AKAP6: variants seen among roughly 807,000 people sequenced by gnomAD.
AKAP6 encodes A-kinase anchor protein 6.
A neutral mutation model predicts 188.5 loss-of-function variants in AKAP6; 58 were observed. The ratio of observed to expected loss-of-function variants is 0.31; its 90% confidence interval spans 0.25 to 0.38. The LOEUF (loss-of-function observed/expected upper bound fraction) is 0.38. Among genes scored for constraint, AKAP6 ranks in the 10% least tolerant of loss-of-function variants. AKAP6 has a pLI of 1.00. For missense variants in AKAP6, 2,710 were observed against 2,740.0 expected, an observed-to-expected ratio of 0.99 and a Z score of 0.24; for synonymous variants, 989 against 998.6, an observed-to-expected ratio of 0.99 and a Z score of 0.18.
At chr14:32,626,040 C>T (rs1887009196) in intron 7 of AKAP6, among the ~76,000 whole-genome samples, 1 of 152,130 alleles carries the variant, frequency 6.6e-6, no homozygotes, top group Non-Finnish European at 1.5e-5. Flanking sequence ...CGTGGAAGCA[C>T]TAACATTTGG....
intron 1 of AKAP6, 46 bp from the exon 2 acceptor site, chr14:32,433,414 G>T: frequency 8.0e-7 from 1 of 1,250,420 alleles, no homozygotes; most frequent in African/African-American, 1.5e-5. Context: ...TCTTTATTTG[G>T]CAATCTTGAC....
At chr14:32,366,265 T>C (rs1421304533) in intron 1 of AKAP6, among the ~76,000 whole-genome samples, 1 of 152,210 alleles carries the variant, frequency 6.6e-6, no homozygotes, top group Non-Finnish European at 1.5e-5. Flanking sequence ...ATAGCCAGAC[T>C]CTATTATTTT....
chr14:32,703,299 A>T (rs561579946), intron 9 of AKAP6, among the ~76,000 whole-genome samples: 35 of 152,176 alleles, frequency 2.3e-4, no homozygotes, highest in African/African-American at 8.2e-4. Flanking sequence ...TAAAACTTCA[A>T]CATTTGGGAC....
chr14:32,709,690 A>G (rs1303847722), intron 9 of AKAP6, among the ~76,000 whole-genome samples: 1 of 152,062 alleles, frequency 6.6e-6, no homozygotes, highest in Non-Finnish European at 1.5e-5. Flanking sequence ...ACAGCCTTCC[A>G]TTAAAATGTT....
At chr14:32,747,573 A>G (rs945551563) in intron 11 of AKAP6, among the ~76,000 whole-genome samples, 10 of 152,198 alleles carry the variant, frequency 6.6e-5, no homozygotes, top group African/African-American at 2.4e-4. Flanking sequence ...CCCACCACAT[A>G]TTAAAAACCC....
chr14:32,464,620 CA>C (rs1878293459), intron 2 of AKAP6, among the ~76,000 whole-genome samples: 1 of 152,136 alleles, frequency 6.6e-6, no homozygotes. Context: ...CTATTTATGA[CA>C]AACCCGTAAC....
At position 32,821,274 on chromosome 14, in the gene AKAP6, G is replaced by C; in HGVS notation, c.3589-128G>C. ...CAGAGAGGAATAGAGTTGATAATTA[G>C]GCCGTCTTTCAAGTCCATGCTTGGG... On this transcript the variant is annotated intron_variant, in intron 12 of 13. Coordinates refer to ENST00000280979, the MANE Select transcript of AKAP6 (RefSeq NM_004274.5). 3 of 930,450 alleles carry C rather than the reference G, an allele frequency of 3.2e-6. No individual in the cohort carries two copies. The East Asian group carries it at 7.7e-5, about 24-fold the overall frequency. 57.6% of individuals were successfully genotyped at this position (930,450 alleles called of 1,614,324 possible).
chr14:32,819,926 C>T (rs1376076244), intron 12 of AKAP6, among the ~76,000 whole-genome samples: 4 of 151,806 alleles, frequency 2.6e-5, no homozygotes, highest in Non-Finnish European at 4.4e-5. Context: ...CCAGCCTGAG[C>T]GACAGAGCAA....
chr14:32,510,380 GT>G (rs1881121841), intron 2 of AKAP6, among the ~76,000 whole-genome samples: 1 of 95,396 alleles, frequency 1.0e-5, no homozygotes, highest in African/African-American at 3.9e-5. Context: ...ATATATATGT[GT>G]ATATATATAT....
intron 1 of AKAP6, among the ~76,000 whole-genome samples, chr14:32,337,557 A>AT (rs993449371): frequency 1.2e-4 from 19 of 152,232 alleles, no homozygotes; most frequent in African/African-American, 4.6e-4. Flanking sequence ...TGATAACAGG[A>AT]TTTTTTTAAA....
chr14:32,492,355 T>TATATATATATATAGAGAGAGAGAGAGAG lies in AKAP6; in HGVS notation c.325-43198_325-43197insTATATATATATAGAGAGAGAGAGAGAGA. On this transcript the variant is annotated intron_variant, in intron 2 of 13. Coordinates refer to ENST00000280979, the MANE Select transcript of AKAP6 (RefSeq NM_004274.5). ...ACATTGTAATATATATATATATATA[T>TATATATATATATAGAGAGAGAGAGAGAG]AGAGAGAGAGAGAGAGAGAGAGAGA... 1.2e-4 allele frequency among the ~76,000 whole-genome samples: 10 copies of TATATATATATATAGAGAGAGAGAGAGAG among 82,606 alleles called. No homozygotes were observed. In the East Asian group the frequency reaches 2.0e-3, roughly 16 times the overall value. The allele number at this position is 82,606 out of a possible 152,430, so 54.2% of individuals were successfully genotyped here.
At chr14:32,716,665 TTATCTATCTATC>T (rs59039609) in intron 9 of AKAP6, among the ~76,000 whole-genome samples, 7 of 143,594 alleles carry the variant, frequency 4.9e-5, no homozygotes, top group East Asian at 4.0e-4. Context: ...ATGGTATACA[TTATCTATCTATC>T]TATCTATCTA....
chr14:32,521,650 A>C (rs1881839822), intron 2 of AKAP6, among the ~76,000 whole-genome samples: 1 of 152,244 alleles, frequency 6.6e-6, no homozygotes, highest in African/African-American at 2.4e-5. Context: ...GGACCTCTTC[A>C]AGGAGAACTA....
At chr14:32,506,784 T>G (rs888444638) in intron 2 of AKAP6, among the ~76,000 whole-genome samples, 4 of 149,394 alleles carry the variant, frequency 2.7e-5, no homozygotes, top group Admixed American at 2.7e-4. Flanking sequence ...CTGCCCACTT[T>G]GGCCTCCCAA....
chr14:32,813,987 C>T (rs2034315777), intron 12 of AKAP6, among the ~76,000 whole-genome samples: 1 of 151,620 alleles, frequency 6.6e-6, no homozygotes, highest in African/African-American at 2.4e-5. Context: ...ATTCTATGAC[C>T]TCTGTGGTTT....
intron 2 of AKAP6, among the ~76,000 whole-genome samples, chr14:32,510,484 A>ATG (rs1191275517): frequency 2.3e-4 from 27 of 115,072 alleles, no homozygotes; most frequent in Middle Eastern, 4.3e-3. Context: ...ATACATATAT[A>ATG]TATGTGTATA....
chr14:32,547,713 A>G (rs1026729152), intron 4 of AKAP6, among the ~76,000 whole-genome samples: 1 of 152,014 alleles, frequency 6.6e-6, no homozygotes, highest in Non-Finnish European at 1.5e-5. Flanking sequence ...GAGCGGTGGC[A>G]CACACCTGTG....
At chr14:32,417,702 C>T (rs1024657061) in intron 1 of AKAP6, 2 of 152,076 alleles carry the variant, frequency 1.3e-5, no homozygotes, top group Non-Finnish European at 2.9e-5. Flanking sequence ...CTAAGTTTTT[C>T]TTTAAAATTT....
chr14:32,445,288 C>T (rs1007064932), intron 2 of AKAP6, among the ~76,000 whole-genome samples: 2 of 152,210 alleles, frequency 1.3e-5, no homozygotes, highest in Non-Finnish European at 1.5e-5. Flanking sequence ...AATTGCTGTA[C>T]GTACTCTGAA....
Sources: allele counts gnomAD v4.1 joint callset (sites outside exome capture counted in the v4.1 genomes callset), GRCh38; gene constraint gnomAD v4.1.1; transcripts MANE v1.5; gene names NCBI Gene and HGNC (gene_info 2026-07-23, HGNC 2026-07-21).